Variants in SLC24A2 observed in about 807,000 individuals in gnomAD.
The protein encoded by SLC24A2 is solute carrier family 24 member 2, also known as sodium/potassium/calcium exchanger 2.
A neutral mutation model predicts 62.0 loss-of-function variants in SLC24A2; 36 were observed. That is an observed-to-expected ratio of 0.58 (90% CI 0.44 to 0.77). The LOEUF is 0.77. Ranked by LOEUF, SLC24A2 falls within the 30% of genes least tolerant of loss-of-function variation. The pLI is 0.00. For missense variants in SLC24A2, 846 were observed against 817.9 expected, an observed-to-expected ratio of 1.03 and a Z score of -0.42; for synonymous variants, 358 against 294.0, an observed-to-expected ratio of 1.22 and a Z score of -2.23.
At chr9:19,611,353 G>A (rs1415927539) in intron 4 of SLC24A2, among the ~76,000 whole-genome samples, 1 of 151,070 alleles carries the variant, frequency 6.6e-6, no homozygotes, top group Non-Finnish European at 1.5e-5. Flanking sequence ...AGGAAGGGAG[G>A]AAGGTGAGAG....
intron 8 of SLC24A2, among the ~76,000 whole-genome samples, chr9:19,544,224 G>C (rs1834429618): frequency 7.1e-6 from 1 of 141,054 alleles, no homozygotes; most frequent in African/African-American, 2.7e-5. Flanking sequence ...TTTAAAGTCT[G>C]TTTTGTCGGA....
the SLC24A2 span, among the ~76,000 whole-genome samples, chr9:20,241,405 C>T: frequency 6.6e-6 from 1 of 152,170 alleles, no homozygotes; most frequent in Non-Finnish European, 1.5e-5. Flanking sequence ...GAGGTCATCG[C>T]TTATGTCTCC....
chr9:19,983,346 A>G, the SLC24A2 span, among the ~76,000 whole-genome samples: 1 of 152,018 alleles, frequency 6.6e-6, no homozygotes, highest in Non-Finnish European at 1.5e-5. Flanking sequence ...AATAACAACT[A>G]AAAAAAACTC....
chr9:19,690,029 C>T (rs1275788423), intron 2 of SLC24A2, among the ~76,000 whole-genome samples: 5 of 152,100 alleles, frequency 3.3e-5, no homozygotes, highest in Admixed American at 1.3e-4. Context: ...TTAGGCTTTT[C>T]GAATTTCCAG....
chr9:19,739,662 A>G (rs1821615559), intron 2 of SLC24A2, among the ~76,000 whole-genome samples: 1 of 152,226 alleles, frequency 6.6e-6, no homozygotes, highest in Admixed American at 6.5e-5. Context: ...ACAAAGGTCA[A>G]TTGTAGGTGG....
the SLC24A2 span, among the ~76,000 whole-genome samples, chr9:20,299,963 C>G: frequency 1.3e-5 from 2 of 152,214 alleles, no homozygotes; most frequent in African/African-American, 4.8e-5. Context: ...CAGGAAATGT[C>G]TATCAATTGG....
At chr9:19,525,053 T>C (rs1223531705) in intron 9 of SLC24A2, among the ~76,000 whole-genome samples, 1 of 152,194 alleles carries the variant, frequency 6.6e-6, no homozygotes, top group Non-Finnish European at 1.5e-5. Flanking sequence ...CCAGCCCACC[T>C]TCTGCTGTGA....
the SLC24A2 span, among the ~76,000 whole-genome samples, chr9:19,835,284 T>C: frequency 5.3e-5 from 8 of 152,084 alleles, no homozygotes; most frequent in African/African-American, 1.7e-4. Flanking sequence ...GACTGGCAAA[T>C]TGGATAAAGA....
chr9:19,764,209 CTTT>C (rs1456625607), intron 2 of SLC24A2, among the ~76,000 whole-genome samples: 5 of 152,100 alleles, frequency 3.3e-5, no homozygotes, highest in African/African-American at 1.2e-4. Flanking sequence ...CTCTTTTCTT[CTTT>C]ATTAGTCTGG....
chr9:19,693,865 C>T (rs765179575), intron 2 of SLC24A2, among the ~76,000 whole-genome samples: 19 of 151,764 alleles, frequency 1.3e-4, no homozygotes, highest in Middle Eastern at 3.4e-3. Flanking sequence ...TGTCTTTGTT[C>T]ATTAACTAGA....
chr9:20,137,408 G>T, the SLC24A2 span, among the ~76,000 whole-genome samples: 1 of 152,184 alleles, frequency 6.6e-6, no homozygotes, highest in Non-Finnish European at 1.5e-5. Context: ...AATTGGAAGA[G>T]CTGGGTTTAA....
At chr9:20,290,684 G>A in the SLC24A2 span, among the ~76,000 whole-genome samples, 2 of 152,304 alleles carry the variant, frequency 1.3e-5, no homozygotes, top group Middle Eastern at 6.8e-3. Context: ...CGTTTTTGAT[G>A]CTACAGAGAG....
chr9:20,252,595 T>G, the SLC24A2 span, among the ~76,000 whole-genome samples: 4 of 152,190 alleles, frequency 2.6e-5, no homozygotes, highest in Non-Finnish European at 4.4e-5. Context: ...TATGAAACAT[T>G]AGGCAAGGTG....
the SLC24A2 span, among the ~76,000 whole-genome samples, chr9:20,263,405 C>A: frequency 6.6e-6 from 1 of 152,118 alleles, no homozygotes. Flanking sequence ...GTGTGCACCA[C>A]ACCTGGCTAT....
chr9:20,016,726 T>C, the SLC24A2 span, among the ~76,000 whole-genome samples: 2 of 151,772 alleles, frequency 1.3e-5, no homozygotes, highest in African/African-American at 4.8e-5. Flanking sequence ...AACCTACAAC[T>C]ACACACACAC....
chr9:19,762,850 G>A (rs982548873), intron 2 of SLC24A2, among the ~76,000 whole-genome samples: 2 of 109,442 alleles, frequency 1.8e-5, no homozygotes, highest in African/African-American at 7.1e-5. Context: ...TTCTAATTCT[G>A]TGAAGAAAGT....
intron 2 of SLC24A2, among the ~76,000 whole-genome samples, chr9:19,739,564 G>A (rs1056337105): frequency 1.1e-4 from 16 of 152,138 alleles, no homozygotes. Flanking sequence ...AGTGCAGTGA[G>A]GAAATAATAA....
intron 2 of SLC24A2, among the ~76,000 whole-genome samples, chr9:19,737,681 G>T (rs1400153234): frequency 2.6e-5 from 4 of 151,944 alleles, no homozygotes; most frequent in Non-Finnish European, 5.9e-5. Context: ...GTTTAAAAAT[G>T]CTGTTTTTCT....
At chr9:19,742,909 C>T (rs541877007) in intron 2 of SLC24A2, among the ~76,000 whole-genome samples, 2 of 152,242 alleles carry the variant, frequency 1.3e-5, no homozygotes, top group South Asian at 4.1e-4. Flanking sequence ...TTCATGGAAC[C>T]ATCTTGTTTT....
Sources: gnomAD v4.1 joint callset for allele counts (sites outside exome capture counted in the v4.1 genomes callset) on GRCh38, gnomAD v4.1.1 for gene constraint, MANE v1.5 for transcripts, NCBI Gene and HGNC (gene_info 2026-07-23, HGNC 2026-07-21) for gene names.